OVAAL: variants seen among roughly 807,000 people sequenced by gnomAD.
The protein encoded by OVAAL is long intergenic non-protein coding RNA 1131.
chr1:180,564,563 A>G (rs1328905377), intron 2 of OVAAL, among the ~76,000 whole-genome samples: 2 of 152,122 alleles, frequency 1.3e-5, no homozygotes, highest in East Asian at 3.9e-4. Flanking sequence ...GAGAAAATTG[A>G]GGCATCTGTT....
At chr1:180,563,528 TG>T (rs1220020550) in intron 2 of OVAAL, among the ~76,000 whole-genome samples, 4 of 152,116 alleles carry the variant, frequency 2.6e-5, no homozygotes, top group African/African-American at 9.7e-5. Flanking sequence ...GAGGTCCAAG[TG>T]GGCGACTTGA....
At chr1:180,563,251 G>A (rs572444976) in intron 2 of OVAAL, among the ~76,000 whole-genome samples, 3 of 152,192 alleles carry the variant, frequency 2.0e-5, no homozygotes, top group Non-Finnish European at 2.9e-5. Flanking sequence ...TGGAGTTCAC[G>A]TTCTGTTTCC....
At chr1:180,561,352 G>A (rs889358360) in intron 1 of OVAAL, among the ~76,000 whole-genome samples, 1 of 152,206 alleles carries the variant, frequency 6.6e-6, no homozygotes, top group Non-Finnish European at 1.5e-5. Context: ...CACAGAGGAT[G>A]CAGTGGGCAT....
intron 1 of OVAAL, among the ~76,000 whole-genome samples, chr1:180,561,682 C>A (rs1009735165): frequency 7.9e-5 from 12 of 152,080 alleles, no homozygotes; most frequent in African/African-American, 2.9e-4. Context: ...AAATCGAAGA[C>A]CAGCAAGTGG....
chr1:180,564,417 C>T (rs2102146323), intron 2 of OVAAL, among the ~76,000 whole-genome samples: 1 of 152,090 alleles, frequency 6.6e-6, no homozygotes, highest in Non-Finnish European at 1.5e-5. Context: ...TGCTGACAAC[C>T]CTAGTCTAAC....
At chr1:180,563,756 GT>G (rs1260538229) in intron 2 of OVAAL, among the ~76,000 whole-genome samples, 10 of 152,100 alleles carry the variant, frequency 6.6e-5, no homozygotes, top group African/African-American at 2.4e-4. Flanking sequence ...TCAAATACCA[GT>G]TAAACTCCGC....
At chr1:180,561,849 C>T (rs1053477277) in intron 1 of OVAAL, among the ~76,000 whole-genome samples, 1 of 151,910 alleles carries the variant, frequency 6.6e-6, no homozygotes, top group Non-Finnish European at 1.5e-5. Context: ...GTGGTGAAAT[C>T]CTATCTCTAC....
intron 1 of OVAAL, among the ~76,000 whole-genome samples, chr1:180,559,574 A>C (rs577823006): frequency 6.6e-6 from 1 of 152,194 alleles, no homozygotes; most frequent in African/African-American, 2.4e-5. Flanking sequence ...GAAACAGAGC[A>C]TAAAAGTTCA....
intron 2 of OVAAL, among the ~76,000 whole-genome samples, chr1:180,563,531 G>A (rs1257737374): frequency 3.9e-5 from 6 of 152,164 alleles, no homozygotes; most frequent in African/African-American, 1.4e-4. Flanking sequence ...GTCCAAGTGG[G>A]CGACTTGAAG....
At position 180,560,087 on chromosome 1, in the gene OVAAL, A is replaced by G. The variant is rs149410833; in HGVS notation, n.373-2117A>G. Among the ~76,000 whole-genome samples the G allele has an allele frequency of 3.9e-5, 6 of 152,270 alleles. No individual in the cohort carries two copies. In the East Asian group the frequency reaches 7.7e-4, roughly 20 times the overall value. On this transcript the variant is annotated intron_variant and non_coding_transcript_variant, in intron 1 of 2. Coordinates refer to ENST00000673955, the Ensembl canonical transcript of OVAAL. ...TGAGAAGATACATTAGTATTATTAC[A>G]GAGGAAAAAAGTGAGGCTTAGAGAG...
intron 1 of OVAAL, among the ~76,000 whole-genome samples, chr1:180,559,451 G>A (rs182225227): frequency 6.6e-6 from 1 of 152,264 alleles, no homozygotes; most frequent in East Asian, 1.9e-4. Flanking sequence ...AGAGATTTGT[G>A]GAACTTTGAA....
At chr1:180,563,609 T>C (rs1653243979) in intron 2 of OVAAL, among the ~76,000 whole-genome samples, 1 of 152,186 alleles carries the variant, frequency 6.6e-6, no homozygotes, top group South Asian at 2.1e-4. Flanking sequence ...CCTGATTCTT[T>C]CGTTGAGGGT....
intron 2 of OVAAL, among the ~76,000 whole-genome samples, chr1:180,562,782 C>T (rs980730828): frequency 6.6e-6 from 1 of 152,172 alleles, no homozygotes; most frequent in East Asian, 1.9e-4. Flanking sequence ...CTGATATTTT[C>T]TGAAATGCCT....
chr1:180,562,191 A>C (rs1653217109), intron 1 of OVAAL: 1 of 152,338 alleles, frequency 6.6e-6, no homozygotes, highest in Non-Finnish European at 1.5e-5. Context: ...CAGAGCTCCT[A>C]TTTTCTTTTC....
intron 1 of OVAAL, among the ~76,000 whole-genome samples, chr1:180,561,022 G>T (rs924417158): frequency 3.3e-5 from 5 of 152,034 alleles, no homozygotes; most frequent in African/African-American, 1.2e-4. Flanking sequence ...CCTACGGTGG[G>T]GCTTGAGTCA....
exon 3 of OVAAL, chr1:180,565,454 A>G (rs1243197199): frequency 1.3e-5 from 2 of 152,260 alleles, no homozygotes; most frequent in Non-Finnish European, 2.9e-5. Flanking sequence ...AGCCTTGTGT[A>G]TCAAAGTGCC....
intron 2 of OVAAL, among the ~76,000 whole-genome samples, chr1:180,564,783 C>T (rs973319373): frequency 3.9e-5 from 6 of 152,018 alleles, no homozygotes; most frequent in African/African-American, 1.2e-4. Flanking sequence ...GGTTCTCACC[C>T]CTGGCTGCAT....
chr1:180,559,775 G>A (rs1325677558), intron 1 of OVAAL, among the ~76,000 whole-genome samples: 2 of 151,830 alleles, frequency 1.3e-5, no homozygotes, highest in Admixed American at 6.6e-5. Context: ...GCGTGGTGGT[G>A]TGTGCCTGTA....
intron 2 of OVAAL, among the ~76,000 whole-genome samples, chr1:180,562,762 T>C (rs1187552403): frequency 6.6e-6 from 1 of 152,172 alleles, no homozygotes; most frequent in African/African-American, 2.4e-5. Flanking sequence ...ATCAGGGCCA[T>C]GGCCCAGGGC....
Sources: gnomAD v4.1 joint callset for allele counts (sites outside exome capture counted in the v4.1 genomes callset) on GRCh38, gnomAD v4.1.1 for gene constraint, MANE v1.5 for transcripts, NCBI Gene and HGNC (gene_info 2026-07-23, HGNC 2026-07-21) for gene names.